PLAC1: variants seen among roughly 807,000 people sequenced by gnomAD.
The protein encoded by PLAC1 is placenta associated 1.
For synonymous variants in PLAC1, 68 were observed against 62.1 expected (o/e 1.09, Z -0.44); for missense variants, 136 against 163.2 (o/e 0.83, Z 0.91).
intron 2 of PLAC1, among the ~76,000 whole-genome samples, chrX:134,669,137 G>A (rs1569401737): frequency 9.0e-6 from 1 of 111,636 alleles, no homozygotes; most frequent in Non-Finnish European, 1.9e-5. Context: ...TCTTTTTCTG[G>A]CCCATCCCAT....
intron 2 of PLAC1, among the ~76,000 whole-genome samples, chrX:134,724,116 G>A (rs910242663): frequency 9.8e-5 from 11 of 112,146 alleles, no homozygotes; most frequent in Non-Finnish European, 1.3e-4. Context: ...AGGCTAATGA[G>A]ACATGACAAC....
At chrX:134,575,768 CAAA>C (rs779874830) in intron 2 of PLAC1, among the ~76,000 whole-genome samples, 3 of 56,370 alleles carry the variant, frequency 5.3e-5, no homozygotes. Flanking sequence ...GACTCCGTCT[CAAA>C]AAAAAAAAAA....
At chrX:134,747,329 C>T (rs1278836253) in intron 1 of PLAC1, among the ~76,000 whole-genome samples, 1 of 110,187 alleles carries the variant, frequency 9.1e-6, no homozygotes, top group Non-Finnish European at 1.9e-5. Flanking sequence ...TGTGTGGCAG[C>T]TTGCATTCTG....
chrX:134,697,997 G>A (rs1171142934), intron 2 of PLAC1, among the ~76,000 whole-genome samples: 1 of 112,116 alleles, frequency 8.9e-6, no homozygotes, highest in Non-Finnish European at 1.9e-5. Flanking sequence ...ATCTGCTCTT[G>A]CATGTAAGAA....
chrX:134,744,794 AC>A (rs1236514047), intron 1 of PLAC1, among the ~76,000 whole-genome samples: 1 of 111,526 alleles, frequency 9.0e-6, no homozygotes, highest in Non-Finnish European at 1.9e-5. Flanking sequence ...TTTTTGTACT[AC>A]CAGCCTGGGT....
chrX:134,582,494 T>A (rs1205074562), intron 2 of PLAC1, among the ~76,000 whole-genome samples: 2 of 111,862 alleles, frequency 1.8e-5, no homozygotes, highest in Non-Finnish European at 3.8e-5. Flanking sequence ...GTAAATAAAA[T>A]AAGATAAAAT....
intron 1 of PLAC1, among the ~76,000 whole-genome samples, chrX:134,749,912 C>T (rs779369302): frequency 2.1e-4 from 23 of 111,538 alleles, no homozygotes; most frequent in Non-Finnish European, 3.8e-4. Context: ...ACCAGAGAGG[C>T]GTGGGTGAGC....
At chrX:134,589,998 A>G (rs2078028142) in intron 2 of PLAC1, among the ~76,000 whole-genome samples, 1 of 104,535 alleles carries the variant, frequency 9.6e-6, no homozygotes, top group African/African-American at 3.5e-5. Flanking sequence ...GATCAAGACC[A>G]TCCTGGCTAA....
In PLAC1 at chrX:134,750,885, ATATATATATATATTTATATATATATT is replaced by A. The variant is rs2078741955; in HGVS notation, n.89+13323_89+13348del. Among the ~76,000 whole-genome samples, 2 of 15,996 alleles carry A rather than the reference ATATATATATATATTTATATATATATT, an allele frequency of 1.3e-4. 1 individual carries two copies. Among genetic ancestry groups the A allele is most frequent in the South Asian group, 7.4e-3 (2 of 269 alleles). 13.9% of individuals were successfully genotyped at this position (15,996 alleles called of 115,157 possible). A position where few individuals can be genotyped will look rare whatever the true frequency, so the allele number is the denominator to read the frequency against. On this transcript the variant is annotated intron_variant and non_coding_transcript_variant, in intron 1 of 2. Transcript: ENST00000466797. ...TTTTTATATATATATATTTATAAAT[ATATATATATATATTTATATATATATT>A]TATATATATATATTTTTATATATAT...
chrX:134,709,540 C>A (rs190385354), intron 2 of PLAC1, among the ~76,000 whole-genome samples: 1 of 111,113 alleles, frequency 9.0e-6, no homozygotes, highest in Non-Finnish European at 1.9e-5. Flanking sequence ...GCAGGAGAAT[C>A]GCTTGAACCC....
At chrX:134,574,057 C>G (rs1241857018) in intron 2 of PLAC1, among the ~76,000 whole-genome samples, 1 of 105,151 alleles carries the variant, frequency 9.5e-6, no homozygotes, top group South Asian at 4.0e-4. Flanking sequence ...GATAAATTTT[C>G]TCTCTCTCTC....
At chrX:134,583,798 A>C (rs1001317098) in intron 2 of PLAC1, among the ~76,000 whole-genome samples, 1 of 110,622 alleles carries the variant, frequency 9.0e-6, no homozygotes, top group Admixed American at 9.7e-5. Flanking sequence ...GGGTTGCTGG[A>C]AATTCCTGGC....
At chrX:134,662,404 C>T (rs1433241209), upstream of PLAC1, among the ~76,000 whole-genome samples, 11 of 112,710 alleles carry the variant, frequency 9.8e-5, no homozygotes, top group Admixed American at 1.0e-3. Flanking sequence ...CTCTTCCCAA[C>T]TCCACATTCT....
intron 2 of PLAC1, among the ~76,000 whole-genome samples, chrX:134,665,378 C>T (rs2078433185): frequency 1.8e-5 from 2 of 111,660 alleles, no homozygotes; most frequent in African/African-American, 3.3e-5. Context: ...ATGAGATTTA[C>T]CCATTTTATT....
chrX:134,705,513 C>A (rs1352270828), intron 2 of PLAC1, among the ~76,000 whole-genome samples: 4 of 107,423 alleles, frequency 3.7e-5, no homozygotes, highest in Non-Finnish European at 7.7e-5. Context: ...TGAAAAAAAT[C>A]AGTATCATTT....
intron 1 of PLAC1, among the ~76,000 whole-genome samples, chrX:134,625,154 C>G (rs1384191977): frequency 2.7e-5 from 3 of 111,880 alleles, no homozygotes; most frequent in Non-Finnish European, 3.8e-5. Flanking sequence ...AGCCTGATTA[C>G]CTTTCATAAT....
At chrX:134,597,507 T>A (rs1156740624) in intron 2 of PLAC1, among the ~76,000 whole-genome samples, 1 of 112,556 alleles carries the variant, frequency 8.9e-6, no homozygotes, top group Admixed American at 9.5e-5. Context: ...TCACTCAGTT[T>A]GAAATCTTCC....
intron 1 of PLAC1, among the ~76,000 whole-genome samples, chrX:134,641,492 C>T (rs1453449400): frequency 1.8e-5 from 2 of 112,188 alleles, no homozygotes; most frequent in African/African-American, 6.5e-5. Flanking sequence ...TTTTATATTT[C>T]AGTTTCATGA....
chrX:134,605,143 A>G (rs981877043), intron 1 of PLAC1, among the ~76,000 whole-genome samples: 4 of 111,667 alleles, frequency 3.6e-5, no homozygotes, highest in Non-Finnish European at 3.8e-5. Context: ...ATCTTGCCTT[A>G]CCTACTGCCT....
Sources: allele counts gnomAD v4.1 joint callset (sites outside exome capture counted in the v4.1 genomes callset), GRCh38; gene constraint gnomAD v4.1.1; transcripts MANE v1.5; gene names NCBI Gene and HGNC (gene_info 2026-07-23, HGNC 2026-07-21).